Variants in ARHGEF3 observed in about 807,000 individuals in gnomAD.
ARHGEF3 encodes Rho guanine nucleotide exchange factor 3.
Under a neutral mutation model 63.2 loss-of-function variants are expected in ARHGEF3, and 28 were observed. The observed-to-expected ratio is 0.44, with a 90% CI of 0.33 to 0.61. ARHGEF3 has a LOEUF of 0.61. Ranked by LOEUF, ARHGEF3 falls within the 20% of genes least tolerant of loss-of-function variation. ARHGEF3 has a pLI of 0.03. For missense variants in ARHGEF3, 533 were observed against 659.3 expected (o/e 0.81, Z 2.10); for synonymous variants, 266 against 254.2 (o/e 1.05, Z -0.44).
intron 1 of ARHGEF3, among the ~76,000 whole-genome samples, chr3:56,787,700 G>A (rs1255737032): frequency 7.0e-6 from 1 of 143,208 alleles, no homozygotes; most frequent in East Asian, 2.1e-4. Flanking sequence ...TGGCTTCCCA[G>A]GATATACAAC....
At chr3:57,002,554 T>TAA (rs1702294525) in intron 2 of ARHGEF3, among the ~76,000 whole-genome samples, 1 of 98,834 alleles carries the variant, frequency 1.0e-5, no homozygotes, top group Admixed American at 9.6e-5. Flanking sequence ...TGTTATGTTA[T>TAA]ATATATGTTA....
chr3:56,967,823 A>G (rs1204102378), intron 2 of ARHGEF3, among the ~76,000 whole-genome samples: 1 of 82,232 alleles, frequency 1.2e-5, no homozygotes, highest in African/African-American at 4.9e-5. Flanking sequence ...ATTATATAAT[A>G]TAATATATAT....
chr3:56,854,092 G>A (rs922910960), intron 4 of ARHGEF3, among the ~76,000 whole-genome samples: 1 of 152,164 alleles, frequency 6.6e-6, no homozygotes, highest in Admixed American at 6.5e-5. Context: ...CTACTGGGGA[G>A]GCTGAGGCAG....
intron 4 of ARHGEF3, among the ~76,000 whole-genome samples, chr3:56,855,833 G>A (rs2039855642): frequency 6.6e-6 from 1 of 152,140 alleles, no homozygotes; most frequent in South Asian, 2.1e-4. Flanking sequence ...TGACATAGAT[G>A]TACAGATGAT....
In ARHGEF3 at chr3:56,737,358, A is replaced by G. The variant is rs763822668; in HGVS notation, c.871-3T>C. On this transcript the variant is annotated splice_polypyrimidine_tract_variant and splice_region_variant and intron_variant, in intron 7 of 9. Coordinates refer to ENST00000296315, the MANE Select transcript of ARHGEF3 (RefSeq NM_019555.3). ...ACAATTCCCTGAATGATATTTATCT[A>G]TGAAAACAAAGAGGAAAATTAAGTA... 12 of 1,607,366 alleles carry G rather than the reference A, an allele frequency of 7.5e-6. No homozygotes were observed. Among genetic ancestry groups the G allele is most frequent in the African/African-American group, 1.3e-5 (1 of 74,680 alleles).
At chr3:56,849,067 T>C (rs770080671) in intron 4 of ARHGEF3, among the ~76,000 whole-genome samples, 2 of 152,218 alleles carry the variant, frequency 1.3e-5, no homozygotes, top group Non-Finnish European at 2.9e-5. Context: ...CTTTATTTAG[T>C]AAAACCACTA....
rs554827136 is a variant in ARHGEF3, at chr3:56,825,523, T to G, written c.193-51707A>C. Among the ~76,000 whole-genome samples, 21 of 150,612 alleles carry G rather than the reference T, an allele frequency of 1.4e-4. No homozygotes were observed. In the East Asian group the frequency reaches 4.2e-3, roughly 30 times the overall value. ...TGATAGCTTTTCTGACAAATTCCAT[T>G]TAGGATCTCAGAAACCCATCATCAG... On this transcript the variant is annotated intron_variant, in intron 4 of 12. Coordinates refer to the ARHGEF3 transcript ENST00000338458.
At chr3:56,849,590 T>C (rs2317442) in intron 4 of ARHGEF3, among the ~76,000 whole-genome samples, 149,017 of 152,098 alleles carry the variant, frequency 0.98, 73,080 homozygotes, top group East Asian at 1. Context: ...CCACAATGCC[T>C]GTGTCCTGTT....
chr3:57,000,305 AACTCCC>A (rs72338583), intron 2 of ARHGEF3, among the ~76,000 whole-genome samples: 20,997 of 79,272 alleles, frequency 0.26, 1,852 homozygotes, highest in South Asian at 0.33. Flanking sequence ...TTTAGAGGGT[AACTCCC>A]ACACACACAC....
At chr3:57,038,094 G>T (rs1704036753) in intron 1 of ARHGEF3, among the ~76,000 whole-genome samples, 1 of 152,212 alleles carries the variant, frequency 6.6e-6, no homozygotes, top group Non-Finnish European at 1.5e-5. Flanking sequence ...TGGGCACAAA[G>T]AAGTTAAGAC....
At chr3:57,003,401 C>CTCAAAAAAA (rs1702340213) in intron 2 of ARHGEF3, among the ~76,000 whole-genome samples, 1 of 43,708 alleles carries the variant, frequency 2.3e-5, no homozygotes, top group African/African-American at 9.8e-5. Context: ...GACGCCGTCT[C>CTCAAAAAAA]AAAAAAAAAA....
chr3:57,017,074 AAAC>A (rs1362638608), intron 2 of ARHGEF3, among the ~76,000 whole-genome samples: 2 of 148,822 alleles, frequency 1.3e-5, no homozygotes, highest in African/African-American at 4.9e-5. Context: ...ACGAGTCACC[AAAC>A]AAAAGGAAAT....
In ARHGEF3 at chr3:56,789,432, A is replaced by C. The variant is rs1234293246; in HGVS notation, c.96+12271T>G. Among the ~76,000 whole-genome samples, 4 of 152,238 alleles carry C rather than the reference A, an allele frequency of 2.6e-5. No individual in the cohort carries two copies. The East Asian group carries it at 7.7e-4, about 29-fold the overall frequency. On this transcript the variant is annotated intron_variant, in intron 1 of 9. Transcript: ENST00000296315. ...AAAAAGATTTATGTTCTGAGAACAG[A>C]AATCTACTTTTATTTTTTAAGTTGG...
intron 1 of ARHGEF3, among the ~76,000 whole-genome samples, chr3:57,037,288 T>C (rs1305064303): frequency 2.0e-5 from 3 of 152,186 alleles, no homozygotes; most frequent in Admixed American, 6.5e-5. Flanking sequence ...GAGTAGCCCA[T>C]ACCTGGGTCA....
rs567604151 is a variant in ARHGEF3, at chr3:56,870,222, A to G, written c.192+12070T>C. ...GCAGCAGTTTAAAAGAATAAGATACAGCTTACACTAAATTAATGGATAAAC... is the reference window on the plus strand; with the variant it reads ...GCAGCAGTTTAAAAGAATAAGATACGGCTTACACTAAATTAATGGATAAAC... On this transcript the variant is annotated intron_variant, in intron 4 of 12. Transcript: ENST00000338458. Among the ~76,000 whole-genome samples, 7 of 152,348 alleles carry G rather than the reference A, an allele frequency of 4.6e-5. No individual in the cohort carries two copies. The South Asian group carries it at 1.4e-3, about 32-fold the overall frequency.
intron 2 of ARHGEF3, among the ~76,000 whole-genome samples, chr3:57,015,620 T>TA (rs201540708): frequency 0.015 from 2,266 of 149,990 alleles, 42 homozygotes; most frequent in Non-Finnish European, 0.02. Context: ...TTTTTTTTTT[T>TA]TAGTACAAAC....
intron 1 of ARHGEF3, among the ~76,000 whole-genome samples, chr3:57,045,521 T>C (rs1281457863): frequency 6.6e-6 from 1 of 152,234 alleles, no homozygotes; most frequent in East Asian, 1.9e-4. Flanking sequence ...ATTGTCATCA[T>C]TGTCCTCCTC....
chr3:57,040,387 G>T (rs1001194704), intron 1 of ARHGEF3, among the ~76,000 whole-genome samples: 2 of 151,932 alleles, frequency 1.3e-5, no homozygotes, highest in Non-Finnish European at 2.9e-5. Context: ...TGAGGCAGGA[G>T]AATCACTTGA....
At chr3:56,958,399 GC>G (rs1184345710) in intron 3 of ARHGEF3, among the ~76,000 whole-genome samples, 3 of 150,588 alleles carry the variant, frequency 2.0e-5, no homozygotes, top group Non-Finnish European at 4.4e-5. Context: ...CATGATCTCA[GC>G]TCACCACAAC....
Sources: allele counts gnomAD v4.1 joint callset (sites outside exome capture counted in the v4.1 genomes callset), GRCh38; gene constraint gnomAD v4.1.1; transcripts MANE v1.5; gene names NCBI Gene and HGNC (gene_info 2026-07-23, HGNC 2026-07-21).